Variants in PCNX2 observed in about 807,000 individuals in gnomAD.
PCNX2 encodes the protein pecanex 2, also known as pecanex-like protein 2.
Under a neutral mutation model 223.8 loss-of-function variants are expected in PCNX2, and 168 were observed. The ratio of observed to expected loss-of-function variants is 0.75; its 90% confidence interval spans 0.66 to 0.85. PCNX2 has a LOEUF of 0.85. PCNX2 is among the 40% of genes least tolerant of loss of function. The probability of loss-of-function intolerance (pLI) is 0.00; values close to 1 mark genes in which losing one functional copy is unlikely to be tolerated. For missense variants in PCNX2, 2,507 were observed against 2,675.5 expected (o/e 0.94, Z 1.39); for synonymous variants, 1,006 against 1,052.6 (o/e 0.96, Z 0.86).
chr1:233,170,350 G>C (rs1335116250), intron 17 of PCNX2, among the ~76,000 whole-genome samples: 1 of 152,136 alleles, frequency 6.6e-6, no homozygotes, highest in Non-Finnish European at 1.5e-5. Flanking sequence ...TGGTAGTTTT[G>C]AAATGGTGAG....
chr1:233,151,299 C>T (rs1198732279), intron 19 of PCNX2, among the ~76,000 whole-genome samples: 2 of 152,108 alleles, frequency 1.3e-5, no homozygotes, highest in Non-Finnish European at 2.9e-5. Flanking sequence ...TCCAACAGAC[C>T]TACTTTAGGG....
At chr1:233,003,718 C>T (rs765648155) in intron 28 of PCNX2, among the ~76,000 whole-genome samples, 9 of 152,136 alleles carry the variant, frequency 5.9e-5, no homozygotes, top group Non-Finnish European at 1.0e-4. Flanking sequence ...TTTACTGCAG[C>T]GCTATTCACA....
At chr1:233,128,903 T>C (rs1007134945) in intron 21 of PCNX2, among the ~76,000 whole-genome samples, 4 of 152,208 alleles carry the variant, frequency 2.6e-5, no homozygotes, top group Non-Finnish European at 5.9e-5. Flanking sequence ...GAGGGTCCCA[T>C]GTCTCAGGAA....
rs774365339 is a variant in PCNX2, at chr1:233,161,290, G to T, written c.3347C>A (p.Thr1116Asn). ...AVLSFAVSAS[T>N]VFLSLRPFLS... is the part of the protein sequence containing the mutation. ...ACATACTCGCAATGACAGGAATACA[G>T]TGCTGGCGCTGACTGCAAATGAGAG... The change falls in exon 18 of 34, where the codon ACT becomes AAT. Residue 1116 changes from threonine to asparagine, a missense_variant. Thr to Asn is a moderately conservative substitution (Grantham distance 65). This residue lies in a region of PCNX2 where 1,372 missense variants were observed against 1,509.4 expected (regional missense o/e 0.91). Transcript: ENST00000258229. The T allele has an allele frequency of 6.2e-7, 1 of 1,613,766 alleles. No homozygotes were observed. The highest frequency in any genetic ancestry group is 8.5e-7 in the Non-Finnish European group (1 of 1,179,708).
chr1:233,144,152 G>A (rs1677289424), intron 19 of PCNX2, among the ~76,000 whole-genome samples: 1 of 151,992 alleles, frequency 6.6e-6, no homozygotes, highest in Non-Finnish European at 1.5e-5. Flanking sequence ...CTGCACCCCA[G>A]CCTGGACAAC....
chr1:233,170,602 C>T (rs1055969686), intron 17 of PCNX2, among the ~76,000 whole-genome samples: 1 of 152,062 alleles, frequency 6.6e-6, no homozygotes, highest in Non-Finnish European at 1.5e-5. Flanking sequence ...TAATTTGAAT[C>T]TTTTGTGTTG....
intron 23 of PCNX2, among the ~76,000 whole-genome samples, chr1:233,084,338 T>C (rs1673497616): frequency 6.6e-6 from 1 of 152,216 alleles, no homozygotes; most frequent in African/African-American, 2.4e-5. Flanking sequence ...TTGATACTTT[T>C]GCAGACCAGT....
At position 233,250,844 on chromosome 1, in the gene PCNX2, G is replaced by A; in HGVS notation, c.2129-12C>T. ...GGATCTAATTTCCCCTGTAAAATCAGAAAATTTCAGCAAAGAATATGACAT... is the reference window on the plus strand; with the variant it reads ...GGATCTAATTTCCCCTGTAAAATCAAAAAATTTCAGCAAAGAATATGACAT... On this transcript the variant is annotated splice_polypyrimidine_tract_variant and intron_variant, in intron 7 of 33. Transcript: ENST00000258229. The A allele has an allele frequency of 6.4e-7, 1 of 1,565,610 alleles. No homozygotes were observed. The highest frequency in any genetic ancestry group is 2.3e-5 in the East Asian group (1 of 42,890).
chr1:233,219,156 G>A (rs890552443), intron 10 of PCNX2, among the ~76,000 whole-genome samples: 1 of 152,144 alleles, frequency 6.6e-6, no homozygotes. Flanking sequence ...GACAATGTAA[G>A]GCTGTTTTAG....
At chr1:233,165,941 A>T (rs547898214) in intron 17 of PCNX2, among the ~76,000 whole-genome samples, 1 of 152,324 alleles carries the variant, frequency 6.6e-6, no homozygotes, top group South Asian at 2.1e-4. Context: ...GTTGGAGGAC[A>T]TACAATACCT....
At chr1:233,144,307 C>G (rs372828206) in intron 19 of PCNX2, among the ~76,000 whole-genome samples, 2 of 152,128 alleles carry the variant, frequency 1.3e-5, no homozygotes, top group East Asian at 1.9e-4. Context: ...TTCTCAACAA[C>G]CTTATCTTCC....
At chr1:233,112,709 T>TGTGGTCTC in intron 21 of PCNX2, 1 of 567,782 alleles carries the variant, frequency 1.8e-6, no homozygotes, top group Non-Finnish European at 2.2e-6. Context: ...GTGTAGATCT[T>TGTGGTCTC]TGAACAATAT....
chr1:233,062,735 TTA>T (rs1471486278), intron 23 of PCNX2, among the ~76,000 whole-genome samples: 4 of 152,208 alleles, frequency 2.6e-5, no homozygotes, highest in Non-Finnish European at 5.9e-5. Flanking sequence ...TCTTCATAGT[TTA>T]TGTTATTATG....
chr1:233,276,993 C>T (rs1660949218), intron 1 of PCNX2, among the ~76,000 whole-genome samples: 1 of 152,216 alleles, frequency 6.6e-6, no homozygotes, highest in African/African-American at 2.4e-5. Context: ...GGGAATAATC[C>T]TTCAAGGAAC....
intron 5 of PCNX2, among the ~76,000 whole-genome samples, chr1:233,255,026 A>T (rs1205462951): frequency 6.6e-6 from 1 of 152,162 alleles, no homozygotes; most frequent in Non-Finnish European, 1.5e-5. Context: ...TAAACGTAGA[A>T]CTCTGACCAA....
Position 233,289,135 on chromosome 1 carries a change from T to C in PCNX2, c.153+6191A>G, listed in dbSNP as rs1572210640. The C allele has an allele frequency of 3.4e-6, 3 of 883,792 alleles. No individual in the cohort carries two copies. In the East Asian group the frequency reaches 7.2e-5, roughly 21 times the overall value. 54.7% of individuals were successfully genotyped at this position (883,792 alleles called of 1,614,324 possible). A position where few individuals can be genotyped will look rare whatever the true frequency, so the allele number is the denominator to read the frequency against. On this transcript the variant is annotated intron_variant, in intron 1 of 33. Transcript: ENST00000258229. ...TTATATTTTGTACAGCTTTTCCAAGTTGGCTTAGGCAGGATTCTCCTTTAA... is the reference window on the plus strand; with the variant it reads ...TTATATTTTGTACAGCTTTTCCAAGCTGGCTTAGGCAGGATTCTCCTTTAA...
Position 233,001,502 on chromosome 1 carries a change from A to C in PCNX2, c.5097+35T>G. The C allele has an allele frequency of 8.7e-7, 1 of 1,147,818 alleles. No homozygotes were observed. The highest frequency in any genetic ancestry group is 1.1e-6 in the Non-Finnish European group (1 of 906,000). 71.1% of individuals were successfully genotyped at this position (1,147,818 alleles called of 1,614,324 possible). A position where few individuals can be genotyped will look rare whatever the true frequency, so the allele number is the denominator to read the frequency against. ...CTCATAAATAAATAAATAAATAAATAAATAAATAAATAAATAAATAAAATA... is the reference window on the plus strand; with the variant it reads ...CTCATAAATAAATAAATAAATAAATCAATAAATAAATAAATAAATAAAATA... On this transcript the variant is annotated intron_variant, in intron 29 of 33. Transcript: ENST00000258229. The surrounding 1 kb of genome is among the most constrained non-coding windows in gnomAD (Gnocchi z 4.2).
chr1:233,250,423 T>C (rs1223224701), intron 8 of PCNX2: 1 of 527,892 alleles, frequency 1.9e-6, no homozygotes, highest in African/African-American at 2.1e-5. Context: ...TTGGGACAAA[T>C]TTAATAATGT....
In PCNX2 at chr1:233,000,485, C is replaced by G; in HGVS notation, c.5148G>C (p.Glu1716Asp). The change falls in exon 30 of 34, where the codon GAG becomes GAC. Residue 1716 changes from glutamate (E) to aspartate (D), a missense_variant. By Grantham distance (45) the Glu-to-Asp change is conservative. This residue lies in a region of PCNX2 where 1,372 missense variants were observed against 1,509.4 expected (regional missense o/e 0.91). Transcript: ENST00000258229. This position sits in a 1 kb window ranked among gnomAD's most constrained non-coding sequence, Gnocchi z 4.6. ...CCTTCTTCTCGAAGGACTGGATGGC[C>G]TCGTAGAGGACTGCTGGGTCTTCAT... ...DEYEDPAVLY[E>D]AIQSFEKKVV... The G allele has an allele frequency of 6.2e-7, 1 of 1,601,270 alleles. No homozygotes were observed. Among genetic ancestry groups the G allele is most frequent in the Non-Finnish European group, 8.5e-7 (1 of 1,174,870 alleles).
Sources: gnomAD v4.1 joint callset for allele counts (sites outside exome capture counted in the v4.1 genomes callset) on GRCh38, gnomAD v4.1.1 for gene constraint, gnomAD v4.1.1 regional missense constraint, Gnocchi (gnomAD v3.1) non-coding constraint, MANE v1.5 for transcripts, NCBI Gene and HGNC (gene_info 2026-07-23, HGNC 2026-07-21) for gene names.